Variants in STX1A observed in about 807,000 individuals in gnomAD.
STX1A encodes syntaxin 1A, also known as syntaxin-1A.
In STX1A, 4 loss-of-function variants were observed where a neutral mutation model predicts 37.8. The observed-to-expected ratio is 0.11, with a 90% CI of 0.05 to 0.24. STX1A has a LOEUF of 0.24. Among genes scored for constraint, STX1A ranks in the 10% least tolerant of loss-of-function variants. The pLI is 1.00. For missense variants in STX1A, 251 were observed against 399.9 expected (o/e 0.63, Z 3.18); for synonymous variants, 135 against 147.4 (o/e 0.92, Z 0.61).
At chr7:73,716,908 C>A (rs549107698) in intron 1 of STX1A, among the ~76,000 whole-genome samples, 143 of 152,234 alleles carry the variant, frequency 9.4e-4, no homozygotes, top group African/African-American at 3.1e-3. Context: ...GTGACCCTGG[C>A]CCTGTCTTCG....
chr7:73,702,997 AG>A lies in STX1A; in HGVS notation c.541-16del. ...TCCATGATGATCTGGGGGTGGGAGC[AG>A]GGGGCTGGGACCCAGAGGCTTGCTG... On this transcript the variant is annotated splice_polypyrimidine_tract_variant and intron_variant, in intron 7 of 9. Transcript: ENST00000222812. The surrounding 1 kb of genome is among the most constrained non-coding windows in gnomAD (Gnocchi z 4.7). 2 of 1,169,410 alleles carry A rather than the reference AG, an allele frequency of 1.7e-6. No individual in the cohort carries two copies. 72.4% of individuals were successfully genotyped at this position (1,169,410 alleles called of 1,614,324 possible). A position where few individuals can be genotyped will look rare whatever the true frequency, so the allele number is the denominator to read the frequency against.
chr7:73,699,924 G>T lies in STX1A; in HGVS notation c.*483C>A, dbSNP rs1337066948. ...ATCAGCGACTGAGACTCAGAGCTGG[G>T]CTGTCCCTCAGGGCCACCTCTCCCC... On this transcript the variant is annotated 3_prime_UTR_variant, in exon 10 of 10. Coordinates refer to ENST00000222812, the MANE Select transcript of STX1A (RefSeq NM_004603.4). The T allele has an allele frequency of 1.1e-5, 2 of 187,446 alleles. No homozygotes were observed. Among genetic ancestry groups the T allele is most frequent in the Admixed American group, 1.1e-4 (2 of 18,768 alleles). 11.6% of individuals were successfully genotyped at this position (187,446 alleles called of 1,614,324 possible).
At chr7:73,703,029 C>T in intron 7 of STX1A, 47 bp from the exon 8 acceptor site, 4 of 1,308,130 alleles carry the variant, frequency 3.1e-6, no homozygotes, top group East Asian at 5.3e-5. Flanking sequence ...TGCTGAGGGG[C>T]AGGGCAGAGG....
rs958153910 is a variant in STX1A, at chr7:73,717,151, G to A, written c.30+2451C>T. Among the ~76,000 whole-genome samples, 15 of 144,770 alleles carry A rather than the reference G, an allele frequency of 1.0e-4. 1 individual carries two copies. Among genetic ancestry groups the A allele is most frequent in the African/African-American group, 1.8e-4 (7 of 39,616 alleles). The allele number at this position is 144,770 out of a possible 152,430, so 95.0% of individuals were successfully genotyped here. Reference sequence around the variant, plus strand: ...TGACTTTTATAAATAAGCTCTCTTCGCCTCCTTCCAAATGTGGTGGTGTTG... The same window carrying A: ...TGACTTTTATAAATAAGCTCTCTTCACCTCCTTCCAAATGTGGTGGTGTTG... On this transcript the variant is annotated intron_variant, in intron 1 of 9. Transcript: ENST00000222812. This position sits in a 1 kb window ranked among gnomAD's most constrained non-coding sequence, Gnocchi z 4.1.
In STX1A at chr7:73,704,374, A is replaced by G; in HGVS notation, c.333T>C (p.Ala111=). Residue 111 remains alanine (A), a synonymous_variant, in exon 5 of 10, where the codon GCT becomes GCC. Coordinates refer to ENST00000222812, the MANE Select transcript of STX1A (RefSeq NM_004603.4). The stretch of plus-strand genomic sequence containing the variant: ...CCTGTGTCTTCCGGATCCTCAGGTC[A>G]GCGGAGGAGCGGTTCAGGCCTTCCT... ...EQEEGLNRSS[A]DLRIRKTQHS... is the part of the protein sequence containing the mutation. The G allele has an allele frequency of 6.2e-7, 1 of 1,614,188 alleles. No homozygotes were observed. The highest frequency in any genetic ancestry group is 8.5e-7 in the Non-Finnish European group (1 of 1,180,024).
At chr7:73,708,991 T>C in intron 2 of STX1A, 54 bp downstream of exon 2, 1 of 1,593,940 alleles carries the variant, frequency 6.3e-7, no homozygotes, top group Non-Finnish European at 8.6e-7. Flanking sequence ...GAGGCGAGAG[T>C]GGCCCCCCAA....
chr7:73,711,369 G>A (rs1173409446), intron 1 of STX1A: 2 of 153,266 alleles, frequency 1.3e-5, no homozygotes, highest in Non-Finnish European at 2.9e-5. Flanking sequence ...ATGGGGAGAG[G>A]GGGTAGTTAG....
rs1202486440 is a variant in STX1A, at chr7:73,702,071, C to G, written c.678+774G>C. ...CTCCTTGTGCCCCAGCAGCAAGGAC[C>G]TCCTTTTTCTGTTCCTGAAATAAGT... On this transcript the variant is annotated intron_variant, in intron 8 of 9. Coordinates refer to ENST00000222812, the MANE Select transcript of STX1A (RefSeq NM_004603.4). This position sits in a 1 kb window ranked among gnomAD's most constrained non-coding sequence, Gnocchi z 4.7. 6.6e-6 allele frequency among the ~76,000 whole-genome samples: 1 copy of G among 152,196 alleles called. No homozygotes were observed. Among genetic ancestry groups the G allele is most frequent in the Non-Finnish European group, 1.5e-5 (1 of 68,052 alleles).
chr7:73,719,650 G>T lies in STX1A; in HGVS notation c.-19C>A, dbSNP rs1165867129. 1.7e-6 allele frequency: 2 copies of T among 1,185,892 alleles called. No homozygotes were observed. The highest frequency in any genetic ancestry group is 4.2e-5 in the South Asian group (1 of 23,926). 73.5% of individuals were successfully genotyped at this position (1,185,892 alleles called of 1,614,324 possible). A position where few individuals can be genotyped will look rare whatever the true frequency, so the allele number is the denominator to read the frequency against. ...CCTTCATGCTCCCGGGAGTGGCAGC[G>T]GCGCCGGCTGCAGCCGTGTGAGCCC... On this transcript the variant is annotated 5_prime_UTR_variant, in exon 1 of 10. Transcript: ENST00000222812.
At position 73,704,392 on chromosome 7, in the gene STX1A, G is replaced by C; in HGVS notation, c.315C>G (p.Gly105=). Residue 105 remains glycine (G), a synonymous_variant, in exon 5 of 10, where the codon GGC becomes GGG. Transcript: ENST00000222812. ...TCAGGTCAGCGGAGGAGCGGTTCAG[G>C]CCTTCCTCTTGCTCGATGGACTGCT... ...SIEQSIEQEE[G]LNRSSADLRI... 1 of 1,614,190 alleles carries C rather than the reference G, an allele frequency of 6.2e-7. No individual in the cohort carries two copies. Among genetic ancestry groups the C allele is most frequent in the Non-Finnish European group, 8.5e-7 (1 of 1,180,032 alleles).
At chr7:73,707,604 T>C (rs1417513616) in intron 3 of STX1A, among the ~76,000 whole-genome samples, 1 of 152,226 alleles carries the variant, frequency 6.6e-6, no homozygotes, top group African/African-American at 2.4e-5. Context: ...GCCAGCCCAG[T>C]TGCCTTAGAA....
intron 6 of STX1A, 124 bp downstream of exon 6, chr7:73,704,024 T>C (rs987406336): frequency 9.7e-7 from 1 of 1,030,706 alleles, no homozygotes. Context: ...ACTCAGCAGC[T>C]GCCTCGGGCC....
chr7:73,701,450 A>G (rs1290846032), intron 8 of STX1A, among the ~76,000 whole-genome samples: 1 of 151,928 alleles, frequency 6.6e-6, no homozygotes, highest in Non-Finnish European at 1.5e-5. Context: ...TGAACCTGGG[A>G]GGCAGAGGTT....
At chr7:73,711,837 C>T (rs972046597) in intron 1 of STX1A, among the ~76,000 whole-genome samples, 13 of 152,120 alleles carry the variant, frequency 8.5e-5, no homozygotes, top group Non-Finnish European at 1.3e-4. Context: ...CCCTGTCCTG[C>T]CCTCAGAGAC....
chr7:73,700,534 G>T lies in STX1A; in HGVS notation c.790-50C>A. On this transcript the variant is annotated intron_variant, in intron 9 of 9. Transcript: ENST00000222812. The surrounding 1 kb of genome is among the most constrained non-coding windows in gnomAD (Gnocchi z 4.4). ...GCCTCAGACAGTGTTGGCGGCAGGT[G>T]GGGTGGGACTATGGCAAAGGCTGAG... 1 of 1,601,350 alleles carries T rather than the reference G, an allele frequency of 6.2e-7. No individual in the cohort carries two copies. Among genetic ancestry groups the T allele is most frequent in the South Asian group, 1.1e-5 (1 of 89,970 alleles).
intron 1 of STX1A, among the ~76,000 whole-genome samples, chr7:73,716,907 G>A (rs1174054158): frequency 6.6e-6 from 1 of 152,134 alleles, no homozygotes; most frequent in Non-Finnish European, 1.5e-5. Flanking sequence ...TGTGACCCTG[G>A]CCCTGTCTTC....
rs1214143127 is a variant in STX1A at position 73,706,561 on chromosome 7, G to A, written c.209-1337C>T. Among the ~76,000 whole-genome samples the A allele has an allele frequency of 2.0e-5, 3 of 152,132 alleles. No individual in the cohort carries two copies. Among genetic ancestry groups the A allele is most frequent in the African/African-American group, 7.2e-5 (3 of 41,424 alleles). ...GTCTCAACTGCTCAGCTCACGGGTG[G>A]TGACTCAGAACCGGTCCCTATGACT... On this transcript the variant is annotated intron_variant, in intron 3 of 9. Transcript: ENST00000222812. The surrounding 1 kb of genome is among the most constrained non-coding windows in gnomAD (Gnocchi z 4.6).
At chr7:73,718,397 C>T (rs1799366724) in intron 1 of STX1A, among the ~76,000 whole-genome samples, 1 of 152,112 alleles carries the variant, frequency 6.6e-6, no homozygotes, top group Admixed American at 6.6e-5. Flanking sequence ...CAGGCTCCAA[C>T]TCAGGGAGCC....
intron 1 of STX1A, among the ~76,000 whole-genome samples, 194 bp downstream of exon 1, chr7:73,719,408 A>G (rs1438233809): frequency 6.6e-6 from 1 of 152,100 alleles, no homozygotes; most frequent in Non-Finnish European, 1.5e-5. Flanking sequence ...AGCTCACGCG[A>G]GCCTGACCCC....
Sources: allele counts gnomAD v4.1 joint callset (sites outside exome capture counted in the v4.1 genomes callset), GRCh38; gene constraint gnomAD v4.1.1; non-coding constraint Gnocchi (gnomAD v3.1); transcripts MANE v1.5; gene names NCBI Gene and HGNC (gene_info 2026-07-23, HGNC 2026-07-21).